The following CDC14B variants were observed in gnomAD, a reference collection of about 807,000 sequenced individuals.
The protein encoded by CDC14B is dual specificity protein phosphatase CDC14B.
A neutral mutation model predicts 64.2 loss-of-function variants in CDC14B; 22 were observed. The observed-to-expected ratio is 0.34, with a 90% CI of 0.24 to 0.49. CDC14B has a LOEUF of 0.49. Among genes scored for constraint, CDC14B ranks in the 20% least tolerant of loss-of-function variants. The pLI is 0.99. For missense variants in CDC14B, 498 were observed against 629.9 expected (o/e 0.79, Z 2.24); for synonymous variants, 191 against 215.8 (o/e 0.89, Z 1.01).
At chr9:96,592,989 G>T (rs898732401) in intron 1 of CDC14B, among the ~76,000 whole-genome samples, 2 of 152,064 alleles carry the variant, frequency 1.3e-5, no homozygotes, top group Non-Finnish European at 2.9e-5. Flanking sequence ...AAACATTGAG[G>T]AGTCAAAGTT....
chr9:96,586,233 G>A (rs533948184), intron 1 of CDC14B, among the ~76,000 whole-genome samples: 3 of 152,138 alleles, frequency 2.0e-5, no homozygotes, highest in Non-Finnish European at 2.9e-5. Flanking sequence ...CCATGAAAAG[G>A]CTACAGAATT....
At chr9:96,557,456 T>G (rs1035018269) in intron 4 of CDC14B, among the ~76,000 whole-genome samples, 5 of 152,228 alleles carry the variant, frequency 3.3e-5, no homozygotes, top group African/African-American at 9.6e-5. Context: ...TCTGTTCCCT[T>G]GTCTTAACTT....
intron 1 of CDC14B, among the ~76,000 whole-genome samples, chr9:96,573,877 G>C (rs1169791131): frequency 1.3e-5 from 2 of 152,230 alleles, no homozygotes; most frequent in Non-Finnish European, 2.9e-5. Flanking sequence ...GCCGGGTGCA[G>C]TGGCTCATGC....
intron 1 of CDC14B, among the ~76,000 whole-genome samples, chr9:96,596,245 C>T (rs903307739): frequency 1.3e-5 from 2 of 151,666 alleles, no homozygotes; most frequent in Non-Finnish European, 1.5e-5. Flanking sequence ...ACCTGTAGTT[C>T]CAGCTACTCA....
intron 13 of CDC14B, among the ~76,000 whole-genome samples, chr9:96,494,776 C>T (rs1369017124): frequency 9.1e-6 from 1 of 110,372 alleles, no homozygotes; most frequent in Non-Finnish European, 1.9e-5. Flanking sequence ...TCCCCTCCCC[C>T]CTCCCGTCCC....
At chr9:96,542,090 T>A (rs1272103382) in intron 5 of CDC14B, among the ~76,000 whole-genome samples, 198 bp from the exon 6 acceptor site, 1 of 152,210 alleles carries the variant, frequency 6.6e-6, no homozygotes. Context: ...TTCCAATAGG[T>A]ACTGTTTTAT....
At position 96,502,426 on chromosome 9, in the gene CDC14B, C is replaced by A. The variant is rs1833631195; in HGVS notation, c.*1327G>T. The A allele has an allele frequency of 6.3e-6, 1 of 158,592 alleles. No individual in the cohort carries two copies. The highest frequency in any genetic ancestry group is 2.0e-4 in the South Asian group (1 of 4,882). The allele number at this position is 158,592 out of a possible 1,614,324, so 9.8% of individuals were successfully genotyped here. A position where few individuals can be genotyped will look rare whatever the true frequency, so the allele number is the denominator to read the frequency against. ...TCTTAAAATGGAGTTGCCTACTAAT[C>A]TGGCGCACGCCTTGTGGCTTAGGAG... is the stretch of plus-strand genomic sequence containing the variant. On this transcript the variant is annotated 3_prime_UTR_variant, in exon 14 of 14. Transcript: ENST00000375241.
intron 1 of CDC14B, among the ~76,000 whole-genome samples, chr9:96,585,547 T>C (rs1341511474): frequency 6.6e-6 from 1 of 152,092 alleles, no homozygotes; most frequent in Non-Finnish European, 1.5e-5. Flanking sequence ...ATCAGGGAAA[T>C]GCAAATTAAA....
intron 1 of CDC14B, among the ~76,000 whole-genome samples, chr9:96,605,786 G>A (rs951251982): frequency 2.9e-4 from 44 of 151,446 alleles, no homozygotes; most frequent in Admixed American, 2.8e-3. Context: ...GTTTGAACCC[G>A]GGAGGTGGAG....
chr9:96,602,481 C>CA (rs1846557539), intron 1 of CDC14B, among the ~76,000 whole-genome samples: 1 of 152,156 alleles, frequency 6.6e-6, no homozygotes, highest in South Asian at 2.1e-4. Context: ...TTAACAGACT[C>CA]AGAGTTCCAC....
chr9:96,591,982 T>C (rs935628453), intron 1 of CDC14B, among the ~76,000 whole-genome samples: 20 of 152,186 alleles, frequency 1.3e-4, no homozygotes, highest in Non-Finnish European at 2.4e-4. Flanking sequence ...CCTGACCTCG[T>C]GATCTGCCCG....
intron 1 of CDC14B, among the ~76,000 whole-genome samples, chr9:96,600,935 T>C (rs73542947): frequency 0.023 from 3,466 of 152,274 alleles, 136 homozygotes; most frequent in African/African-American, 0.078. Flanking sequence ...CAGTAGAGGA[T>C]ACATAAGGAA....
intron 13 of CDC14B, among the ~76,000 whole-genome samples, chr9:96,506,398 A>G (rs556828244): frequency 1.3e-5 from 2 of 152,344 alleles, no homozygotes; most frequent in South Asian, 4.1e-4. Context: ...GCTAACTCCA[A>G]TTCTTAAAAC....
chr9:96,592,422 G>A lies in CDC14B; in HGVS notation c.160+26797C>T, dbSNP rs1245143070. 3.9e-5 allele frequency among the ~76,000 whole-genome samples: 6 copies of A among 152,134 alleles called. No individual in the cohort carries two copies. In the East Asian group the frequency reaches 7.7e-4, roughly 20 times the overall value. ...TCAAGCAAATTCCTATGCACTTATCGAGCAAAGAAATCTATTCACTGAAAT... is the reference window on the plus strand; with the variant it reads ...TCAAGCAAATTCCTATGCACTTATCAAGCAAAGAAATCTATTCACTGAAAT... On this transcript the variant is annotated intron_variant, in intron 1 of 13. Transcript: ENST00000375241.
At chr9:96,576,775 C>T (rs970020815) in intron 1 of CDC14B, among the ~76,000 whole-genome samples, 1 of 151,336 alleles carries the variant, frequency 6.6e-6, no homozygotes, top group Non-Finnish European at 1.5e-5. Flanking sequence ...AAACACACTT[C>T]AAAAAAATGA....
Position 96,494,996 on chromosome 9 carries a change from G to A in CDC14B, c.*80+1211C>T, listed in dbSNP as rs1036846047. Among the ~76,000 whole-genome samples, 10 of 151,488 alleles carry A rather than the reference G, an allele frequency of 6.6e-5. No individual in the cohort carries two copies. The South Asian group carries it at 1.1e-3, about 16-fold the overall frequency. On this transcript the variant is annotated intron_variant and NMD_transcript_variant, in intron 13 of 13. Transcript: ENST00000474602. The stretch of plus-strand genomic sequence containing the variant: ...ACTACAGGTACCTGCCACCACGCCC[G>A]GCTAATTTTTTGTATTTTTAGTAGA...
chr9:96,523,798 T>C (rs1040126329), intron 9 of CDC14B, 73 bp from the exon 10 acceptor site: 13 of 1,513,026 alleles, frequency 8.6e-6, no homozygotes, highest in Non-Finnish European at 7.2e-6. Flanking sequence ...CAGGCAGAAT[T>C]TTTTTAAAAG....
At chr9:96,499,093 G>A (rs888049388), downstream of CDC14B, among the ~76,000 whole-genome samples, 2 of 152,246 alleles carry the variant, frequency 1.3e-5, no homozygotes, top group African/African-American at 4.8e-5. Flanking sequence ...AGTGGGTCAG[G>A]GGAGAGCTCT....
chr9:96,595,132 A>T (rs973238774), intron 1 of CDC14B, among the ~76,000 whole-genome samples: 4 of 152,144 alleles, frequency 2.6e-5, no homozygotes, highest in Non-Finnish European at 5.9e-5. Flanking sequence ...GCCTGGAGGG[A>T]GAGCGAGATT....
Sources: allele counts gnomAD v4.1 joint callset (sites outside exome capture counted in the v4.1 genomes callset), GRCh38; gene constraint gnomAD v4.1.1; transcripts MANE v1.5; gene names NCBI Gene and HGNC (gene_info 2026-07-23, HGNC 2026-07-21).